Variants in DSCAM observed in about 807,000 individuals in gnomAD.
DSCAM encodes the protein DS cell adhesion molecule, also known as cell adhesion molecule DSCAM.
A neutral mutation model predicts 217.7 loss-of-function variants in DSCAM; 47 were observed. That is an observed-to-expected ratio of 0.22 (90% CI 0.17 to 0.28). The LOEUF (loss-of-function observed/expected upper bound fraction) is 0.28, where lower values mean the gene tolerates loss of function less well. Ranked by LOEUF, DSCAM falls within the 10% of genes least tolerant of loss-of-function variation. The probability of loss-of-function intolerance (pLI) is 1.00; values close to 1 mark genes in which losing one functional copy is unlikely to be tolerated. For missense variants in DSCAM, 2,080 were observed against 2,618.3 expected (o/e 0.79, Z 4.49); for synonymous variants, 1,056 against 1,015.3 (o/e 1.04, Z -0.76).
rs555516260 is a variant in DSCAM, at chr21:40,042,685, A to T, written c.5384-12T>A. On this transcript the variant is annotated splice_polypyrimidine_tract_variant and intron_variant, in intron 31 of 32. Coordinates refer to ENST00000400454, the MANE Select transcript of DSCAM (RefSeq NM_001389.5). ...GCTTCTTGCTCGATCTACACCAGGA[A>T]AGAGAAAAACAAGACGGACGACTCA... 1.3e-6 allele frequency: 2 copies of T among 1,591,008 alleles called. No individual in the cohort carries two copies. Among genetic ancestry groups the T allele is most frequent in the Middle Eastern group, 3.4e-4 (2 of 5,820 alleles).
At chr21:40,383,422 A>T (rs1287730999) in intron 3 of DSCAM, 1 of 152,246 alleles carries the variant, frequency 6.6e-6, no homozygotes, top group Non-Finnish European at 1.5e-5. Context: ...TGCAGCTGAT[A>T]AGACGCTATA....
rs371575150 is a variant in DSCAM, at chr21:40,620,926, G to A, written c.508+71884C>T. Among the ~76,000 whole-genome samples, 78 of 152,314 alleles carry A rather than the reference G, an allele frequency of 5.1e-4. 1 individual carries two copies. Among genetic ancestry groups the A allele is most frequent in the East Asian group, 3.7e-3 (19 of 5,178 alleles). On this transcript the variant is annotated intron_variant, in intron 3 of 32. Coordinates refer to ENST00000400454, the MANE Select transcript of DSCAM (RefSeq NM_001389.5). Reference sequence around the variant, plus strand: ...AATACGACTCAGCGTGCACTGATGCGTGTGACGACATTGATGGATCTCAGA... The same window carrying A: ...AATACGACTCAGCGTGCACTGATGCATGTGACGACATTGATGGATCTCAGA...
At chr21:40,489,933 G>C (rs888837466) in intron 3 of DSCAM, among the ~76,000 whole-genome samples, 1 of 152,102 alleles carries the variant, frequency 6.6e-6, no homozygotes, top group Non-Finnish European at 1.5e-5. Context: ...AGGTGTGTTA[G>C]TCTGCTCTTA....
intron 11 of DSCAM, among the ~76,000 whole-genome samples, chr21:40,190,620 G>A (rs551187625): frequency 6.6e-6 from 1 of 152,320 alleles, no homozygotes; most frequent in East Asian, 1.9e-4. Flanking sequence ...ACTCTACATA[G>A]GTCTGTAGTC....
chr21:40,148,143 AT>A (rs1226965289), intron 16 of DSCAM, among the ~76,000 whole-genome samples: 2 of 152,188 alleles, frequency 1.3e-5, no homozygotes, highest in African/African-American at 2.4e-5. Flanking sequence ...TTGAAATGAA[AT>A]ATATGGAGTA....
chr21:40,307,701 A>G lies in DSCAM; in HGVS notation c.2062+4380T>C, dbSNP rs142502947. Among the ~76,000 whole-genome samples the G allele has an allele frequency of 8.4e-3, 1,272 of 152,328 alleles. 16 individuals are homozygous for G. The highest frequency in any genetic ancestry group is 0.025 in the African/African-American group (1,044 of 41,570). ...ACCAACCCAAATGTCCAACAGTGATAGACTGGATTAAGAAAATGTGGCACA... is the reference window on the plus strand; with the variant it reads ...ACCAACCCAAATGTCCAACAGTGATGGACTGGATTAAGAAAATGTGGCACA... On this transcript the variant is annotated intron_variant, in intron 9 of 32. Transcript: ENST00000400454.
chr21:40,112,593 AC>A (rs2089913384), intron 20 of DSCAM, among the ~76,000 whole-genome samples: 1 of 152,196 alleles, frequency 6.6e-6, no homozygotes. Context: ...AAATAGAGAA[AC>A]AAAAAACCCT....
intron 1 of DSCAM, among the ~76,000 whole-genome samples, chr21:40,769,924 C>T (rs1355411460): frequency 1.3e-5 from 2 of 152,154 alleles, no homozygotes; most frequent in East Asian, 1.9e-4. Context: ...CACTGATCCC[C>T]ACCTCACTAC....
chr21:40,712,809 C>CAGAGAGAGAGAGAGAG (rs142528775), intron 1 of DSCAM, among the ~76,000 whole-genome samples: 6 of 148,948 alleles, frequency 4.0e-5, no homozygotes, highest in African/African-American at 1.5e-4. Flanking sequence ...GAAGTTGAGA[C>CAGAGAGAGAGAGAGAG]AGAGAGAGAG....
chr21:40,717,287 A>C (rs937134212), intron 1 of DSCAM, among the ~76,000 whole-genome samples: 1 of 152,240 alleles, frequency 6.6e-6, no homozygotes, highest in African/African-American at 2.4e-5. Context: ...TCAGGTGCCA[A>C]GCTAAAAAGC....
chr21:40,061,339 C>T (rs931869076), intron 28 of DSCAM, among the ~76,000 whole-genome samples: 8 of 152,110 alleles, frequency 5.3e-5, no homozygotes, highest in African/African-American at 1.2e-4. Flanking sequence ...GAGGCTGAGG[C>T]GGGAGAATTG....
chr21:40,477,384 C>CA (rs989087352), intron 3 of DSCAM, among the ~76,000 whole-genome samples: 7 of 151,482 alleles, frequency 4.6e-5, no homozygotes, highest in Admixed American at 1.3e-4. Context: ...ATGATAATGG[C>CA]AAAAAAAAGA....
At chr21:40,159,822 A>T (rs556821976) in intron 16 of DSCAM, among the ~76,000 whole-genome samples, 24 of 152,326 alleles carry the variant, frequency 1.6e-4, no homozygotes, top group African/African-American at 5.5e-4. Context: ...ATGTTAAGTG[A>T]TCTGCCCGCC....
rs551506512 is a variant in DSCAM at position 40,606,744 on chromosome 21, G to A, written c.508+86066C>T. ...CATGGAATGAACATCTCTCTGCTCT[G>A]TTTTCAGTCTGATATGGTTTGGCTG... On this transcript the variant is annotated intron_variant, in intron 3 of 32. Transcript: ENST00000400454. Among the ~76,000 whole-genome samples, 620 of 152,308 alleles carry A rather than the reference G, an allele frequency of 4.1e-3. 3 individuals carry two copies. The highest frequency in any genetic ancestry group is 0.014 in the African/African-American group (571 of 41,562).
intron 3 of DSCAM, among the ~76,000 whole-genome samples, chr21:40,605,599 A>G (rs771011361): frequency 7.9e-5 from 12 of 152,086 alleles, no homozygotes; most frequent in African/African-American, 2.7e-4. Context: ...CTGCGTCCCA[A>G]TACAGCTTCA....
chr21:40,100,949 C>T (rs531090743), intron 20 of DSCAM, among the ~76,000 whole-genome samples: 6 of 152,124 alleles, frequency 3.9e-5, no homozygotes, highest in African/African-American at 1.4e-4. Flanking sequence ...AGTAATTGTG[C>T]TAACCATTTG....
At chr21:40,521,313 G>GT (rs1347650084) in intron 3 of DSCAM, among the ~76,000 whole-genome samples, 2 of 152,168 alleles carry the variant, frequency 1.3e-5, no homozygotes, top group Non-Finnish European at 2.9e-5. Context: ...TCCACTTTTA[G>GT]TTTTTTGAGA....
chr21:40,585,755 G>A (rs1373934864), intron 3 of DSCAM, among the ~76,000 whole-genome samples: 1 of 152,162 alleles, frequency 6.6e-6, no homozygotes. Flanking sequence ...GCTTGGTGGT[G>A]TTTTTGCAGT....
intron 1 of DSCAM, among the ~76,000 whole-genome samples, chr21:40,793,479 C>T (rs1047023390): frequency 2.6e-5 from 4 of 152,006 alleles, no homozygotes; most frequent in South Asian, 2.1e-4. Context: ...TGAAATTGTT[C>T]TGGTGTTTTA....
Sources: allele counts gnomAD v4.1 joint callset (sites outside exome capture counted in the v4.1 genomes callset), GRCh38; gene constraint gnomAD v4.1.1; transcripts MANE v1.5; gene names NCBI Gene and HGNC (gene_info 2026-07-23, HGNC 2026-07-21).